NAA11: variants seen among roughly 807,000 people sequenced by gnomAD.
NAA11 encodes N-alpha-acetyltransferase 11, NatA catalytic subunit, also known as N-alpha-acetyltransferase 11.
NAA11 carries 15 observed loss-of-function variants against 16.1 expected under a neutral mutation model. The ratio of observed to expected loss-of-function variants is 0.93; its 90% CI spans 0.62 to 1.44. The LOEUF is 1.44. Among genes scored for constraint, NAA11 ranks in the 40% most tolerant of loss-of-function variants. The pLI, the probability that NAA11 is intolerant of heterozygous loss-of-function variation, is 0.00. For missense variants in NAA11, 298 were observed against 291.3 expected (o/e 1.02, Z -0.17); for synonymous variants, 122 against 112.4 (o/e 1.09, Z -0.54).
At chr4:79,228,960 C>T (rs900514445) in intron 2 of NAA11, among the ~76,000 whole-genome samples, 1 of 151,960 alleles carries the variant, frequency 6.6e-6, no homozygotes, top group Non-Finnish European at 1.5e-5. Context: ...ACTTTATATG[C>T]TTACCAGTCT....
At chr4:79,172,333 T>C in the NAA11 span, among the ~76,000 whole-genome samples, 4 of 152,106 alleles carry the variant, frequency 2.6e-5, no homozygotes, top group African/African-American at 4.8e-5. Context: ...CAAAATTATA[T>C]ATTTTTTAAA....
intron 2 of NAA11, among the ~76,000 whole-genome samples, chr4:79,251,614 CT>C (rs1365903167): frequency 2.7e-5 from 4 of 145,806 alleles, no homozygotes; most frequent in Non-Finnish European, 6.0e-5. Context: ...CCATGTACCC[CT>C]GAACCTAAAA....
chr4:79,272,445 C>T (rs1722516624), intron 2 of NAA11, among the ~76,000 whole-genome samples: 1 of 151,794 alleles, frequency 6.6e-6, no homozygotes, highest in South Asian at 2.1e-4. Context: ...GAAGCAGGGG[C>T]CTAAAATATG....
intron 1 of NAA11, among the ~76,000 whole-genome samples, chr4:79,294,733 C>CTA (rs898696166): frequency 6.6e-6 from 1 of 151,996 alleles, no homozygotes; most frequent in African/African-American, 2.4e-5. Flanking sequence ...ATTTAAATAT[C>CTA]TATAAGCATT....
chr4:79,226,411 A>C lies in NAA11; in HGVS notation c.*123-141T>G, dbSNP rs1721313613. Reference sequence around the variant, plus strand: ...GCTTTAGTGACCATATGCCCAGCTAAATCTTTTTCTTTTTAATATATATAT... The same window carrying C: ...GCTTTAGTGACCATATGCCCAGCTACATCTTTTTCTTTTTAATATATATAT... On this transcript the variant is annotated intron_variant and NMD_transcript_variant, in intron 2 of 2. Coordinates refer to the NAA11 transcript ENST00000511542. 3 of 151,886 alleles carry C rather than the reference A, an allele frequency of 2.0e-5. No homozygotes were observed. The South Asian group carries it at 6.2e-4, about 32-fold the overall frequency. 9.4% of individuals were successfully genotyped at this position (151,886 alleles called of 1,614,324 possible).
chr4:79,275,487 T>G (rs1048980285), intron 2 of NAA11, among the ~76,000 whole-genome samples: 1 of 152,096 alleles, frequency 6.6e-6, no homozygotes, highest in Non-Finnish European at 1.5e-5. Context: ...CTAGACCTTG[T>G]CCTGAAGTAA....
At chr4:79,260,524 T>C (rs1266338657) in intron 2 of NAA11, among the ~76,000 whole-genome samples, 2 of 152,210 alleles carry the variant, frequency 1.3e-5, no homozygotes, top group African/African-American at 2.4e-5. Flanking sequence ...AGGTACAGTG[T>C]ACATAGAGTC....
chr4:79,286,948 T>C (rs1219990466), intron 2 of NAA11, among the ~76,000 whole-genome samples: 1 of 152,120 alleles, frequency 6.6e-6, no homozygotes, highest in Non-Finnish European at 1.5e-5. Flanking sequence ...AAAAAAATTC[T>C]CATGAAAAAT....
intron 2 of NAA11, among the ~76,000 whole-genome samples, chr4:79,292,721 A>G (rs982694229): frequency 3.9e-5 from 6 of 152,238 alleles, no homozygotes; most frequent in African/African-American, 1.4e-4. Flanking sequence ...ACTCAGTACA[A>G]AGGAATATTA....
At chr4:79,166,486 GAAT>G in the NAA11 span, among the ~76,000 whole-genome samples, 1 of 150,670 alleles carries the variant, frequency 6.6e-6, no homozygotes, top group Non-Finnish European at 1.5e-5. Context: ...CTAGTAGCTA[GAAT>G]TATAGGTGTG....
the NAA11 span, among the ~76,000 whole-genome samples, chr4:79,197,035 A>C: frequency 6.6e-6 from 1 of 150,926 alleles, no homozygotes; most frequent in East Asian, 2.0e-4. Flanking sequence ...CAAAAGGTAT[A>C]TAGTCCTGCT....
the NAA11 span, among the ~76,000 whole-genome samples, chr4:79,191,436 T>C: frequency 6.6e-6 from 1 of 152,156 alleles, no homozygotes; most frequent in African/African-American, 2.4e-5. Flanking sequence ...ATCAGTGATA[T>C]TGAGCTTTTT....
rs148695143 is a variant in NAA11, at chr4:79,257,086, TTTTC to T, written c.*123-30820_*123-30817del. On this transcript the variant is annotated intron_variant and NMD_transcript_variant, in intron 2 of 2. Coordinates refer to the NAA11 transcript ENST00000511542. ...TCAATGTAAAGTTGTTAATGAAATA[TTTTC>T]TTTATTTTTATTAAATCTTTGAAAT... 5.5e-3 allele frequency among the ~76,000 whole-genome samples: 836 copies of T among 152,350 alleles called. 9 individuals are homozygous for T. The highest frequency in any genetic ancestry group is 0.018 in the African/African-American group (767 of 41,576).
intron 2 of NAA11, among the ~76,000 whole-genome samples, chr4:79,246,412 A>ATT (rs1721835399): frequency 6.6e-6 from 1 of 150,956 alleles, no homozygotes; most frequent in Non-Finnish European, 1.5e-5. Context: ...AAAAATAAGA[A>ATT]TTTGAGCAGT....
At chr4:79,302,855 C>T (rs1244970349) in intron 1 of NAA11, among the ~76,000 whole-genome samples, 1 of 151,832 alleles carries the variant, frequency 6.6e-6, no homozygotes, top group Admixed American at 6.6e-5. Flanking sequence ...AACAAGATAT[C>T]TATAGGGAAG....
the NAA11 span, among the ~76,000 whole-genome samples, chr4:79,155,982 G>A: frequency 6.6e-6 from 1 of 152,156 alleles, no homozygotes; most frequent in Admixed American, 6.5e-5. Flanking sequence ...GTCAATGTAA[G>A]CATTATTTCT....
At chr4:79,188,477 C>G in the NAA11 span, among the ~76,000 whole-genome samples, 7 of 151,898 alleles carry the variant, frequency 4.6e-5, no homozygotes, top group Non-Finnish European at 8.8e-5. Context: ...CCCAGCTACT[C>G]CAGAGGCTGA....
At chr4:79,245,039 C>T (rs12643994) in intron 2 of NAA11, 116,502 of 162,322 alleles carry the variant, frequency 0.72, 44,087 homozygotes, top group East Asian at 0.89. Flanking sequence ...AGCCTCTGCC[C>T]GGCTGCCACC....
the NAA11 span, among the ~76,000 whole-genome samples, chr4:79,157,490 T>C: frequency 6.6e-6 from 1 of 151,836 alleles, no homozygotes; most frequent in Middle Eastern, 3.2e-3. Flanking sequence ...AATATATATA[T>C]ACACACATAT....
Sources: allele counts gnomAD v4.1 joint callset (sites outside exome capture counted in the v4.1 genomes callset), GRCh38; gene constraint gnomAD v4.1.1; transcripts MANE v1.5; gene names NCBI Gene and HGNC (gene_info 2026-07-23, HGNC 2026-07-21).